Variants in LPAR5 observed in about 807,000 individuals in gnomAD.
The protein encoded by LPAR5 is G protein-coupled receptor 92.
For missense variants in LPAR5, 544 were observed against 521.8 expected (o/e 1.04, Z -0.41); for synonymous variants, 271 against 261.6 (o/e 1.04, Z -0.35).
chr12:6,623,036 G>A (rs1002524027), intron 1 of LPAR5, among the ~76,000 whole-genome samples: 4 of 152,064 alleles, frequency 2.6e-5, no homozygotes, highest in Non-Finnish European at 5.9e-5. Context: ...TCAGGAGTTC[G>A]AGATCAGCCT....
chr12:6,620,325 C>G lies in LPAR5; in HGVS notation c.924G>C (p.Leu308=). The G allele has an allele frequency of 6.2e-7, 1 of 1,609,280 alleles. No individual in the cohort carries two copies. The highest frequency in any genetic ancestry group is 8.5e-7 in the Non-Finnish European group (1 of 1,178,038). Residue 308 remains leucine, a synonymous_variant, in exon 2 of 2, where the codon CTG becomes CTC. Transcript: ENST00000329858. This position sits in a 1 kb window ranked among gnomAD's most constrained non-coding sequence, Gnocchi z 6.8. The part of the protein sequence containing the change: ...YFSAEGFRNT[L]RGLGTPHRAR... Reference sequence around the variant, plus strand: ...CCCGGTGCGGAGTGCCCAGGCCGCGCAGGGTGTTGCGGAAGCCCTCGGCGC... The same window carrying G: ...CCCGGTGCGGAGTGCCCAGGCCGCGGAGGGTGTTGCGGAAGCCCTCGGCGC...
chr12:6,623,555 G>A (rs945564528), intron 1 of LPAR5, among the ~76,000 whole-genome samples: 1 of 150,914 alleles, frequency 6.6e-6, no homozygotes, highest in Non-Finnish European at 1.5e-5. Context: ...GAGAGAGAGA[G>A]AGAATTCATG....
chr12:6,623,587 G>A (rs555437824), intron 1 of LPAR5, among the ~76,000 whole-genome samples: 19 of 152,100 alleles, frequency 1.2e-4, no homozygotes, highest in South Asian at 4.2e-4. Flanking sequence ...TTAAGATGAC[G>A]TGTGTAAAAC....
intron 1 of LPAR5, among the ~76,000 whole-genome samples, chr12:6,626,544 C>T (rs193127074): frequency 1.3e-5 from 2 of 152,304 alleles, no homozygotes; most frequent in African/African-American, 4.8e-5. Flanking sequence ...CCAGTCTCAA[C>T]AATGAAAATA....
In LPAR5 at chr12:6,619,292, TAGAA is replaced by T. The variant is rs1455579146; in HGVS notation, c.*834_*837del. On this transcript the variant is annotated 3_prime_UTR_variant, in exon 2 of 2. Coordinates refer to ENST00000329858, the MANE Select transcript of LPAR5 (RefSeq NM_020400.6). ...AAAAGTTTGAGAACCAGTGCTTTAG[TAGAA>T]AGAATTTTATCCTTACTCTGGACAA... The T allele has an allele frequency of 6.6e-6, 1 of 151,814 alleles. No homozygotes were observed. Among genetic ancestry groups the T allele is most frequent in the Non-Finnish European group, 1.5e-5 (1 of 67,994 alleles). The allele number at this position is 151,814 out of a possible 1,614,324, so 9.4% of individuals were successfully genotyped here.
rs1309382537 is a variant in LPAR5, at chr12:6,621,128, C to CGTTGAG, written c.115_120dup (p.Leu39_Asn40dup). 2 of 1,601,464 alleles carry CGTTGAG rather than the reference C, an allele frequency of 1.2e-6. No individual in the cohort carries two copies. Among genetic ancestry groups the CGTTGAG allele is most frequent in the Non-Finnish European group, 1.7e-6 (2 of 1,173,654 alleles). The stretch of plus-strand genomic sequence containing the variant: ...CGCAGGAAGACCCAGAGGGCTAGCG[C>CGTTGAG]GTTGAGGGGGAGCCCGGCAGCCAGC... On this transcript the variant is annotated inframe_insertion, in exon 2 of 2. Transcript: ENST00000329858.
intron 1 of LPAR5, among the ~76,000 whole-genome samples, chr12:6,624,209 T>C (rs1247730855): frequency 2.0e-5 from 3 of 152,082 alleles, no homozygotes; most frequent in Admixed American, 2.0e-4. Flanking sequence ...ACAGTCTTGC[T>C]AGGCAGGGGA....
chr12:6,623,792 G>A (rs1948913054), intron 1 of LPAR5, among the ~76,000 whole-genome samples: 1 of 152,104 alleles, frequency 6.6e-6, no homozygotes. Context: ...CACCTCCTTG[G>A]ACCAGGTGCT....
At chr12:6,625,647 C>T (rs763630958) in intron 1 of LPAR5, among the ~76,000 whole-genome samples, 51 of 149,820 alleles carry the variant, frequency 3.4e-4, no homozygotes, top group Non-Finnish European at 6.5e-4. Context: ...GGCGGGAACC[C>T]GGGAGGCAGA....
At position 6,618,898 on chromosome 12, in the gene LPAR5, A is replaced by G. The variant is rs1377045936; in HGVS notation, c.*1232T>C. 6.6e-6 allele frequency: 1 copy of G among 152,232 alleles called. No individual in the cohort carries two copies. The highest frequency in any genetic ancestry group is 2.4e-5 in the African/African-American group (1 of 41,444). 9.4% of individuals were successfully genotyped at this position (152,232 alleles called of 1,614,324 possible). On this transcript the variant is annotated 3_prime_UTR_variant, in exon 2 of 2. Coordinates refer to ENST00000329858, the MANE Select transcript of LPAR5 (RefSeq NM_020400.6). ...TCCCCACAGTAATAAAAAGCACTGT[A>G]CATAATGCCCTGGGAAGAAGTTAGA...
chr12:6,631,153 A>T (rs1948978526), intron 1 of LPAR5, among the ~76,000 whole-genome samples: 1 of 152,212 alleles, frequency 6.6e-6, no homozygotes, highest in African/African-American at 2.4e-5. Flanking sequence ...AGGCTGAAGA[A>T]CGTCGGCACA....
chr12:6,635,514 G>C lies in LPAR5; in HGVS notation c.-217+393C>G, dbSNP rs1011109383. The stretch of plus-strand genomic sequence containing the variant: ...TCATCTGCCTGGCCCTGGGGGATGT[G>C]TGGTGTAGGGGTTGAGGTTTAACTG... On this transcript the variant is annotated intron_variant, in intron 1 of 1. Transcript: ENST00000329858. 4.6e-5 allele frequency among the ~76,000 whole-genome samples: 7 copies of C among 152,260 alleles called. No homozygotes were observed. The South Asian group carries it at 1.4e-3, about 32-fold the overall frequency.
chr12:6,621,684 C>T (rs1420311581), intron 1 of LPAR5, among the ~76,000 whole-genome samples: 3 of 152,204 alleles, frequency 2.0e-5, no homozygotes, highest in Non-Finnish European at 2.9e-5. Context: ...GCTAACTTGC[C>T]TAGTTGTGTG....
rs946462802 is a variant in LPAR5, at chr12:6,620,323, C to G, written c.926G>C (p.Arg309Pro). The part of the protein sequence containing the change: ...FSAEGFRNTL[R>P]GLGTPHRART... ...GGCCCGGTGCGGAGTGCCCAGGCCG[C>G]GCAGGGTGTTGCGGAAGCCCTCGGC... The change falls in exon 2 of 2, where the codon CGC becomes CCC. Residue 309 changes from arginine (R) to proline (P), a missense_variant. Transcript: ENST00000329858. This position sits in a 1 kb window ranked among gnomAD's most constrained non-coding sequence, Gnocchi z 6.8. 1 of 1,608,704 alleles carries G rather than the reference C, an allele frequency of 6.2e-7. No individual in the cohort carries two copies. Among genetic ancestry groups the G allele is most frequent in the Admixed American group, 1.7e-5 (1 of 59,226 alleles).
At chr12:6,631,403 C>T (rs373680286) in intron 1 of LPAR5, among the ~76,000 whole-genome samples, 8 of 152,166 alleles carry the variant, frequency 5.3e-5, no homozygotes, top group East Asian at 1.9e-4. Context: ...CATGGGAGAT[C>T]TCAACCCCAA....
At position 6,621,323 on chromosome 12, in the gene LPAR5, C is replaced by A; in HGVS notation, c.-75G>T. ...CAGAATCATGGCATGGCATTCACCT[C>A]CGGGGCTGGGGCCTAGAGGCTGTAC... On this transcript the variant is annotated 5_prime_UTR_variant, in exon 2 of 2. Coordinates refer to ENST00000329858, the MANE Select transcript of LPAR5 (RefSeq NM_020400.6). The A allele has an allele frequency of 7.2e-7, 1 of 1,385,634 alleles. No individual in the cohort carries two copies. Among genetic ancestry groups the A allele is most frequent in the East Asian group, 2.7e-5 (1 of 36,990 alleles). The allele number at this position is 1,385,634 out of a possible 1,614,324, so 85.8% of individuals were successfully genotyped here. A position where few individuals can be genotyped will look rare whatever the true frequency, so the allele number is the denominator to read the frequency against.
chr12:6,620,906 T>A lies in LPAR5; in HGVS notation c.343A>T (p.Ile115Phe). 1 of 1,595,134 alleles carries A rather than the reference T, an allele frequency of 6.3e-7. No individual in the cohort carries two copies. Among genetic ancestry groups the A allele is most frequent in the East Asian group, 2.3e-5 (1 of 43,958 alleles). ...ATGGCGGCGTAGCGGTCCACGTTGA[T>A]GAGCATCAGGAAGATGCAGCTGCCG... is the stretch of plus-strand genomic sequence containing the variant. ...MYGSCIFLML[I>F]NVDRYAAIVH... The change falls in exon 2 of 2, where the codon ATC (isoleucine) becomes TTC (phenylalanine). Residue 115 changes from isoleucine to phenylalanine, a missense_variant. Coordinates refer to ENST00000329858, the MANE Select transcript of LPAR5 (RefSeq NM_020400.6). This position sits in a 1 kb window ranked among gnomAD's most constrained non-coding sequence, Gnocchi z 6.8.
intron 1 of LPAR5, among the ~76,000 whole-genome samples, chr12:6,627,545 C>T (rs1045711362): frequency 3.3e-5 from 5 of 152,170 alleles, no homozygotes; most frequent in Admixed American, 6.5e-5. Flanking sequence ...GAGCAGAGAT[C>T]GTGCCACTGC....
intron 1 of LPAR5, among the ~76,000 whole-genome samples, chr12:6,630,233 C>T (rs12369736): frequency 1.3e-5 from 2 of 151,226 alleles, no homozygotes; most frequent in African/African-American, 2.4e-5. Flanking sequence ...AAGCAATTCT[C>T]GTGCCTCAGC....
Sources: gnomAD v4.1 joint callset for allele counts (sites outside exome capture counted in the v4.1 genomes callset) on GRCh38, gnomAD v4.1.1 for gene constraint, Gnocchi (gnomAD v3.1) non-coding constraint, MANE v1.5 for transcripts, NCBI Gene and HGNC (gene_info 2026-07-23, HGNC 2026-07-21) for gene names.